ANAPC7: variants seen among roughly 807,000 people sequenced by gnomAD.
The protein encoded by ANAPC7 is anaphase promoting complex subunit 7.
In ANAPC7, 25 loss-of-function variants were observed where a neutral mutation model predicts 63.3. The ratio of observed to expected loss-of-function variants is 0.39; its 90% confidence interval spans 0.29 to 0.55. The LOEUF (loss-of-function observed/expected upper bound fraction) is 0.55, where lower values mean the gene tolerates loss of function less well. Among genes scored for constraint, ANAPC7 ranks in the 20% least tolerant of loss-of-function variants. The pLI is 0.57. For missense variants in ANAPC7, 516 were observed against 691.7 expected, an observed-to-expected ratio of 0.75 and a Z score of 2.85; for synonymous variants, 241 against 251.7, an observed-to-expected ratio of 0.96 and a Z score of 0.40.
At chr12:110,375,489 A>G in intron 10 of ANAPC7, 2 of 980,300 alleles carry the variant, frequency 2.0e-6, no homozygotes, top group African/African-American at 3.5e-5. Flanking sequence ...CAGTAAGAAT[A>G]CCACTATTTA....
At chr12:110,379,995 T>C (rs933705536) in intron 8 of ANAPC7, among the ~76,000 whole-genome samples, 4 of 152,194 alleles carry the variant, frequency 2.6e-5, no homozygotes, top group African/African-American at 9.6e-5. Context: ...CACTATCATA[T>C]GGATGTGGAG....
At chr12:110,394,521 C>T (rs529621556) in intron 3 of ANAPC7, among the ~76,000 whole-genome samples, 10 of 151,432 alleles carry the variant, frequency 6.6e-5, no homozygotes, top group African/African-American at 2.2e-4. Flanking sequence ...CCCAGCTACT[C>T]GGGAGGCTGA....
chr12:110,384,705 CA>C (rs1245931977), intron 6 of ANAPC7, among the ~76,000 whole-genome samples: 7 of 150,492 alleles, frequency 4.7e-5, no homozygotes, highest in Admixed American at 2.0e-4. Flanking sequence ...ACAAAAAAAA[CA>C]AAAAACCAAA....
chr12:110,382,452 A>AT (rs1881962126), intron 7 of ANAPC7, among the ~76,000 whole-genome samples: 100 of 97,868 alleles, frequency 1.0e-3, no homozygotes, highest in African/African-American at 1.5e-3. Flanking sequence ...AAAAAAAAAA[A>AT]AAAAAAAAAA....
chr12:110,374,094 G>C lies in ANAPC7; in HGVS notation c.*50C>G, dbSNP rs1172976141. 6.5e-7 allele frequency: 1 copy of C among 1,539,364 alleles called. No individual in the cohort carries two copies. The highest frequency in any genetic ancestry group is 8.7e-7 in the Non-Finnish European group (1 of 1,145,368). On this transcript the variant is annotated 3_prime_UTR_variant, in exon 11 of 11. Coordinates refer to ENST00000455511, the MANE Select transcript of ANAPC7 (RefSeq NM_016238.3). ...GCTCCTACGGTTCCTTCAGTCCACG[G>C]AAGTGCTCAGAGCAGGGCAGGCCAC... is the stretch of plus-strand genomic sequence containing the variant.
chr12:110,399,647 C>A (rs112626804), intron 1 of ANAPC7, among the ~76,000 whole-genome samples: 4 of 151,996 alleles, frequency 2.6e-5, no homozygotes, highest in African/African-American at 9.6e-5. Context: ...TTATTGTGGC[C>A]ATGTGCGGTG....
chr12:110,390,705 TAAAAGG>T (rs1297055016), intron 3 of ANAPC7, among the ~76,000 whole-genome samples: 1 of 152,148 alleles, frequency 6.6e-6, no homozygotes, highest in East Asian at 1.9e-4. Context: ...GAAAAATACT[TAAAAGG>T]AAAACTCCAG....
At chr12:110,382,441 T>TAAAAA (rs137996217) in intron 7 of ANAPC7, among the ~76,000 whole-genome samples, 4 of 53,066 alleles carry the variant, frequency 7.5e-5, no homozygotes, top group Non-Finnish European at 1.3e-4. Context: ...ATTATCCTTT[T>TAAAAA]AAAAAAAAAA....
At chr12:110,398,712 C>T (rs556561886) in intron 1 of ANAPC7, among the ~76,000 whole-genome samples, 2 of 152,292 alleles carry the variant, frequency 1.3e-5, no homozygotes, top group African/African-American at 4.8e-5. Flanking sequence ...AATCCCAGCA[C>T]TTTGTGAGGC....
intron 6 of ANAPC7, among the ~76,000 whole-genome samples, chr12:110,385,960 A>G (rs999445996): frequency 2.0e-5 from 3 of 152,094 alleles, no homozygotes; most frequent in Admixed American, 1.3e-4. Flanking sequence ...AATTATACTA[A>G]GGACATGGCA....
In ANAPC7 at chr12:110,382,423, C is replaced by A. The variant is rs1881938386; in HGVS notation, c.935+420G>T. 2.7e-5 allele frequency among the ~76,000 whole-genome samples: 3 copies of A among 110,490 alleles called. 1 individual carries two copies. Among genetic ancestry groups the A allele is most frequent in the Admixed American group, 2.5e-4 (2 of 8,038 alleles). The allele number at this position is 110,490 out of a possible 152,430, so 72.5% of individuals were successfully genotyped here. Reference sequence around the variant, plus strand: ...AGAGTCATAAACTATTATTTGAATCCAGGGCTGATTATCCTTTTAAAAAAA... The same window carrying A: ...AGAGTCATAAACTATTATTTGAATCAAGGGCTGATTATCCTTTTAAAAAAA... On this transcript the variant is annotated intron_variant, in intron 7 of 10. Coordinates refer to ENST00000455511, the MANE Select transcript of ANAPC7 (RefSeq NM_016238.3).
chr12:110,378,991 T>C (rs962402447), intron 8 of ANAPC7: 7 of 152,028 alleles, frequency 4.6e-5, no homozygotes, highest in Non-Finnish European at 4.4e-5. Flanking sequence ...CCCAAGTAGC[T>C]GGGACTACAG....
chr12:110,376,894 G>A (rs961088657), intron 9 of ANAPC7, among the ~76,000 whole-genome samples: 3 of 151,744 alleles, frequency 2.0e-5, no homozygotes, highest in Non-Finnish European at 4.4e-5. Context: ...AGGCCGAGGC[G>A]GGTGGATCAC....
chr12:110,379,089 T>C (rs538021673), intron 8 of ANAPC7: 1 of 152,242 alleles, frequency 6.6e-6, no homozygotes, highest in Non-Finnish European at 1.5e-5. Context: ...CTCGAACTCC[T>C]GACGTCAGGT....
At chr12:110,401,864 C>G (rs1004027164) in intron 1 of ANAPC7, among the ~76,000 whole-genome samples, 1 of 148,964 alleles carries the variant, frequency 6.7e-6, no homozygotes, top group Non-Finnish European at 1.5e-5. Flanking sequence ...GTCCCAGCTA[C>G]TCGGGAGGCT....
At chr12:110,401,815 T>C (rs913320382) in intron 1 of ANAPC7, among the ~76,000 whole-genome samples, 1 of 151,380 alleles carries the variant, frequency 6.6e-6, no homozygotes, top group African/African-American at 2.4e-5. Context: ...CTACTAAAAA[T>C]ACAAAAAAAT....
chr12:110,389,098 A>AG (rs1473127831), intron 3 of ANAPC7, among the ~76,000 whole-genome samples: 5 of 145,944 alleles, frequency 3.4e-5, no homozygotes, highest in Non-Finnish European at 5.9e-5. Context: ...AAAAAAAAAA[A>AG]AAAAGAAAAG....
At chr12:110,376,707 GAAA>G (rs574188729) in intron 9 of ANAPC7, among the ~76,000 whole-genome samples, 1 of 121,926 alleles carries the variant, frequency 8.2e-6, no homozygotes, top group African/African-American at 3.0e-5. Context: ...AATCAGGACT[GAAA>G]AAAAAAAAAA....
intron 3 of ANAPC7, among the ~76,000 whole-genome samples, chr12:110,393,015 G>A (rs541445766): frequency 1.3e-4 from 20 of 152,062 alleles, no homozygotes; most frequent in Non-Finnish European, 2.2e-4. Context: ...AGCTGGTCTC[G>A]AACTCCCAAC....
Sources: allele counts gnomAD v4.1 joint callset (sites outside exome capture counted in the v4.1 genomes callset), GRCh38; gene constraint gnomAD v4.1.1; transcripts MANE v1.5; gene names NCBI Gene and HGNC (gene_info 2026-07-23, HGNC 2026-07-21).